Variants in WDR35 observed in about 807,000 individuals in gnomAD.
WDR35 encodes WD repeat domain 35, also known as WD repeat-containing protein 35.
In WDR35, 118 loss-of-function variants were observed where a neutral mutation model predicts 158.3. The ratio of observed to expected loss-of-function variants is 0.75; its 90% CI spans 0.64 to 0.87. The LOEUF (loss-of-function observed/expected upper bound fraction) is 0.87, where lower values mean the gene tolerates loss of function less well. Among genes scored for constraint, WDR35 ranks in the 40% least tolerant of loss-of-function variants. The pLI, the probability that WDR35 is intolerant of heterozygous loss-of-function variation, is 0.00. For missense variants in WDR35, 1,263 were observed against 1,405.8 expected (o/e 0.90, Z 1.62); for synonymous variants, 448 against 476.1 (o/e 0.94, Z 0.77).
chr2:19,931,031 A>G (rs1245621932), intron 24 of WDR35, among the ~76,000 whole-genome samples: 1 of 152,218 alleles, frequency 6.6e-6, no homozygotes. Context: ...CAAATAAGAC[A>G]TTAAAGCAAA....
At chr2:19,919,346 A>C (rs1357057943) in intron 25 of WDR35, among the ~76,000 whole-genome samples, 4 of 143,006 alleles carry the variant, frequency 2.8e-5, no homozygotes. Flanking sequence ...GCACCACTGC[A>C]CTCCAACCTG....
intron 17 of WDR35, among the ~76,000 whole-genome samples, chr2:19,939,044 T>C (rs1670790348): frequency 6.6e-6 from 1 of 152,182 alleles, no homozygotes; most frequent in Non-Finnish European, 1.5e-5. Context: ...AATATAATCA[T>C]CAATTACAGC....
chr2:19,966,604 G>A, intron 10 of WDR35, 120 bp downstream of exon 10: 4 of 1,181,220 alleles, frequency 3.4e-6, no homozygotes, highest in Non-Finnish European at 4.9e-6. Flanking sequence ...TAGACCAATA[G>A]TGCCAACAGA....
chr2:19,969,592 A>T lies in WDR35; in HGVS notation c.896T>A (p.Leu299Ter). ...YTPFGEHLGT[L>*]KVPGKEISAL... ...AGATATTTCCTTTCCAGGAACTTTCAAAGTACCCAGATGCTGAAAAAGAAA... is the reference window on the plus strand; with the variant it reads ...AGATATTTCCTTTCCAGGAACTTTCTAAGTACCCAGATGCTGAAAAAGAAA... The change falls in exon 9 of 27, where the codon TTG (leucine) becomes TAG (stop). Residue 299 changes from leucine (L) to a stop codon, truncating the protein, a stop_gained. Coordinates refer to ENST00000281405, the MANE Select transcript of WDR35 (RefSeq NM_020779.4). LOFTEE classifies it high-confidence loss of function. The T allele has an allele frequency of 1.2e-6, 2 of 1,613,838 alleles. No individual in the cohort carries two copies. The highest frequency in any genetic ancestry group is 1.7e-6 in the Non-Finnish European group (2 of 1,179,926).
chr2:19,974,576 T>A lies in WDR35; in HGVS notation c.628A>T (p.Ile210Phe). 1.9e-6 allele frequency: 3 copies of A among 1,613,592 alleles called. No homozygotes were observed. Among genetic ancestry groups the A allele is most frequent in the Non-Finnish European group, 2.5e-6 (3 of 1,179,774 alleles). The part of the protein sequence containing the change: ...NVTGAISIAG[I>F]HWYHGTEGYV... Reference sequence around the variant, plus strand: ...CCTTCTGTGCCATGGTACCAATGAATTCCAGCAATGCTGATAGCTCCAGTG... The same window carrying A: ...CCTTCTGTGCCATGGTACCAATGAAATCCAGCAATGCTGATAGCTCCAGTG... Residue 210 changes from isoleucine (I) to phenylalanine (F), a missense_variant, in exon 7 of 27, where the codon ATT becomes TTT. Coordinates refer to ENST00000281405, the MANE Select transcript of WDR35 (RefSeq NM_020779.4).
At chr2:19,972,402 G>A (rs1672059508) in intron 8 of WDR35, among the ~76,000 whole-genome samples, 1 of 152,084 alleles carries the variant, frequency 6.6e-6, no homozygotes, top group African/African-American at 2.4e-5. Context: ...GGGGAAGGCT[G>A]AACTAACAAA....
At position 19,975,724 on chromosome 2, in the gene WDR35, A is replaced by G. The variant is rs530524189; in HGVS notation, c.437-61T>C. The G allele has an allele frequency of 4.8e-5, 78 of 1,608,546 alleles. No homozygotes were observed. The East Asian group carries it at 1.7e-3, about 34-fold the overall frequency. On this transcript the variant is annotated intron_variant, in intron 5 of 26. Coordinates refer to ENST00000281405, the MANE Select transcript of WDR35 (RefSeq NM_020779.4). The stretch of plus-strand genomic sequence containing the variant: ...ATGATCCTCCAACAACGGCTTTCGA[A>G]ATCTTTGTTTTTCTAAAGATCTCAC...
At chr2:19,919,391 AAAAAAAAGAAAAG>A (rs1472098150) in intron 25 of WDR35, among the ~76,000 whole-genome samples, 1 of 148,566 alleles carries the variant, frequency 6.7e-6, no homozygotes, top group Non-Finnish European at 1.5e-5. Flanking sequence ...AAAAAAAAAA[AAAAAAAAGAAAAG>A]AAAAAGAAAA....
At chr2:19,956,704 T>C (rs1671449547) in intron 11 of WDR35, among the ~76,000 whole-genome samples, 1 of 146,898 alleles carries the variant, frequency 6.8e-6, no homozygotes, top group South Asian at 2.2e-4. Flanking sequence ...CACTGCAAGC[T>C]CCGCCTCCCG....
intron 16 of WDR35, among the ~76,000 whole-genome samples, chr2:19,944,979 TAG>T (rs1207633147): frequency 6.6e-6 from 1 of 151,874 alleles, no homozygotes; most frequent in Admixed American, 6.6e-5. Context: ...TTTACAAGAG[TAG>T]AGTGCAGCAG....
chr2:19,970,976 T>C (rs113408899), intron 8 of WDR35, among the ~76,000 whole-genome samples: 2 of 152,330 alleles, frequency 1.3e-5, no homozygotes, highest in African/African-American at 4.8e-5. Flanking sequence ...CATTAATAGA[T>C]TATTTGATAA....
rs573747588 is a variant in WDR35, at chr2:19,945,740, T to C, written c.1845+46A>G. ...AGGGGAATCATCCAGGTTTTTATAT[T>C]TGGCTCATTATTTATAGACTGTTAA... On this transcript the variant is annotated intron_variant, in intron 16 of 26. Transcript: ENST00000281405. 5 of 1,605,314 alleles carry C rather than the reference T, an allele frequency of 3.1e-6. No homozygotes were observed. The East Asian group carries it at 8.9e-5, about 29-fold the overall frequency.
At position 19,913,527 on chromosome 2, in the gene WDR35, A is replaced by G; in HGVS notation, c.*31T>C. On this transcript the variant is annotated 3_prime_UTR_variant, in exon 27 of 27. Transcript: ENST00000281405. Reference sequence around the variant, plus strand: ...ATAGCCATGTATATATGCTACATATATTTTACAGTTATATACAGTTTATCA... The same window carrying G: ...ATAGCCATGTATATATGCTACATATGTTTTACAGTTATATACAGTTTATCA... The G allele has an allele frequency of 6.2e-7, 1 of 1,613,688 alleles. No individual in the cohort carries two copies. Among genetic ancestry groups the G allele is most frequent in the East Asian group, 2.2e-5 (1 of 44,854 alleles).
intron 10 of WDR35, among the ~76,000 whole-genome samples, chr2:19,961,571 T>C (rs1261167029): frequency 4.6e-5 from 7 of 152,178 alleles, no homozygotes; most frequent in Admixed American, 3.9e-4. Context: ...CAAAAGGAGA[T>C]GAAACATGGC....
Position 19,932,275 on chromosome 2 carries a change from T to C in WDR35, c.2823+8A>G. On this transcript the variant is annotated splice_region_variant and intron_variant, in intron 23 of 26. Coordinates refer to ENST00000281405, the MANE Select transcript of WDR35 (RefSeq NM_020779.4). ...CAAATCAACTATTCACCAAGATTTT[T>C]ACATTACCTTAAACATCAGTTTAGC... 6.2e-7 allele frequency: 1 copy of C among 1,613,114 alleles called. No individual in the cohort carries two copies. Among genetic ancestry groups the C allele is most frequent in the Non-Finnish European group, 8.5e-7 (1 of 1,179,408 alleles).
chr2:19,928,876 G>A (rs1455268397), intron 25 of WDR35, among the ~76,000 whole-genome samples: 4 of 151,442 alleles, frequency 2.6e-5, no homozygotes, highest in South Asian at 2.1e-4. Context: ...GTGCGATCTC[G>A]GCTCACTGCA....
At chr2:19,914,426 G>A (rs920995441) in intron 25 of WDR35, 149 bp from the exon 26 acceptor site, 1 of 975,410 alleles carries the variant, frequency 1.0e-6, no homozygotes, top group Non-Finnish European at 1.5e-6. Context: ...GCACCAAGAG[G>A]AGGAACTAGG....
intron 8 of WDR35, among the ~76,000 whole-genome samples, 187 bp from the exon 9 acceptor site, chr2:19,969,792 G>A (rs1187347314): frequency 1.3e-5 from 2 of 148,672 alleles, no homozygotes; most frequent in Non-Finnish European, 3.0e-5. Flanking sequence ...CTCTCACCCA[G>A]GCTGGAGTGC....
At chr2:19,931,878 GTA>G (rs1416334367) in intron 23 of WDR35, among the ~76,000 whole-genome samples, 1 of 152,068 alleles carries the variant, frequency 6.6e-6, no homozygotes, top group African/African-American at 2.4e-5. Flanking sequence ...GGTAAAATGT[GTA>G]TACATTAATA....
Sources: gnomAD v4.1 joint callset for allele counts (sites outside exome capture counted in the v4.1 genomes callset) on GRCh38, gnomAD v4.1.1 for gene constraint, MANE v1.5 for transcripts, NCBI Gene and HGNC (gene_info 2026-07-23, HGNC 2026-07-21) for gene names.